Variants in HS3ST3A1 observed in about 807,000 individuals in gnomAD.
The protein encoded by HS3ST3A1 is heparan sulfate glucosamine 3-O-sulfotransferase 3A1.
A neutral mutation model predicts 25.7 loss-of-function variants in HS3ST3A1; 19 were observed. The ratio of observed to expected loss-of-function variants is 0.74; its 90% CI spans 0.52 to 1.08. The LOEUF is 1.08. HS3ST3A1 is among the 50% of genes least tolerant of loss of function. HS3ST3A1 has a pLI of 0.00. For synonymous variants in HS3ST3A1, 226 were observed against 278.6 expected, an observed-to-expected ratio of 0.81 and a Z score of 1.88; for missense variants, 459 against 594.3, an observed-to-expected ratio of 0.77 and a Z score of 2.37.
chr17:13,556,258 A>G (rs1907369260), intron 1 of HS3ST3A1, among the ~76,000 whole-genome samples: 1 of 152,198 alleles, frequency 6.6e-6, no homozygotes, highest in African/African-American at 2.4e-5. Flanking sequence ...CTGTAATCCC[A>G]GCACTTTGGG....
intron 1 of HS3ST3A1, among the ~76,000 whole-genome samples, chr17:13,517,507 C>T (rs1211140622): frequency 6.6e-6 from 1 of 152,066 alleles, no homozygotes; most frequent in Non-Finnish European, 1.5e-5. Context: ...TACAGAAGTG[C>T]TTGAGTGAAG....
intron 1 of HS3ST3A1, among the ~76,000 whole-genome samples, chr17:13,517,504 G>A (rs1241339325): frequency 6.6e-6 from 1 of 152,146 alleles, no homozygotes; most frequent in Non-Finnish European, 1.5e-5. Context: ...AAATACAGAA[G>A]TGCTTGAGTG....
intron 1 of HS3ST3A1, among the ~76,000 whole-genome samples, chr17:13,572,378 G>A (rs969882031): frequency 6.6e-6 from 1 of 152,144 alleles, no homozygotes; most frequent in South Asian, 2.1e-4. Flanking sequence ...ATCCTAGGGG[G>A]TGACCGCTCG....
rs760240531 is a variant in HS3ST3A1, at chr17:13,600,772, G to A, written c.358C>T (p.Leu120=). 5 of 1,488,508 alleles carry A rather than the reference G, an allele frequency of 3.4e-6. No individual in the cohort carries two copies. The South Asian group carries it at 3.9e-5, about 11-fold the overall frequency. The allele number at this position is 1,488,508 out of a possible 1,614,324, so 92.2% of individuals were successfully genotyped here. Residue 120 remains leucine (L), a synonymous_variant, in exon 1 of 2, where the codon CTG becomes TTG. Transcript: ENST00000284110. ...EAAWEEESPG[L]SGGPGGSGAG... The stretch of plus-strand genomic sequence containing the variant: ...CCGGAGCCGCCCGGACCCCCTGACA[G>A]GCCAGGGGACTCTTCTTCCCAGGCC...
intron 1 of HS3ST3A1, among the ~76,000 whole-genome samples, chr17:13,585,716 G>A (rs1198753148): frequency 6.6e-6 from 1 of 151,872 alleles, no homozygotes; most frequent in Non-Finnish European, 1.5e-5. Flanking sequence ...CACAACCGTA[G>A]TGATCATGGC....
intron 1 of HS3ST3A1, among the ~76,000 whole-genome samples, chr17:13,592,437 T>G (rs1908452445): frequency 6.6e-6 from 1 of 152,028 alleles, no homozygotes; most frequent in African/African-American, 2.4e-5. Flanking sequence ...TACCGCGGGG[T>G]CCAATTATTT....
At chr17:13,544,685 A>T (rs950559643) in intron 1 of HS3ST3A1, among the ~76,000 whole-genome samples, 3 of 152,046 alleles carry the variant, frequency 2.0e-5, no homozygotes, top group African/African-American at 7.3e-5. Context: ...TGCTCCTTGG[A>T]ACAAGAGTAA....
intron 1 of HS3ST3A1, among the ~76,000 whole-genome samples, chr17:13,502,934 A>G (rs1296500689): frequency 6.6e-6 from 1 of 151,746 alleles, no homozygotes; most frequent in East Asian, 1.9e-4. Flanking sequence ...TAATCCCAGC[A>G]CTTTGGGAGG....
intron 1 of HS3ST3A1, among the ~76,000 whole-genome samples, chr17:13,549,824 C>T (rs955898754): frequency 4.6e-5 from 7 of 152,090 alleles, no homozygotes; most frequent in Admixed American, 2.0e-4. Context: ...TATTTTAGTT[C>T]GCCATAAAGA....
intron 1 of HS3ST3A1, among the ~76,000 whole-genome samples, chr17:13,556,541 A>AATAAAATAAAATAAAATAAAATAAG (rs10525412): frequency 6.8e-6 from 1 of 147,884 alleles, no homozygotes; most frequent in African/African-American, 2.5e-5. Context: ...AATAAAATAA[A>AATAAAATAAAATAAAATAAAATAAG]TAGATAAAAA....
At chr17:13,518,093 T>C (rs1488054018) in intron 1 of HS3ST3A1, among the ~76,000 whole-genome samples, 1 of 152,218 alleles carries the variant, frequency 6.6e-6, no homozygotes, top group Non-Finnish European at 1.5e-5. Flanking sequence ...TATAAGTGGC[T>C]CAGTCTTACT....
chr17:13,587,655 G>A (rs1051410352), intron 1 of HS3ST3A1, among the ~76,000 whole-genome samples: 2 of 152,042 alleles, frequency 1.3e-5, no homozygotes, highest in Non-Finnish European at 2.9e-5. Context: ...AGGAAAAAGA[G>A]AGAGCAGGGG....
chr17:13,506,230 G>A (rs955392144), intron 1 of HS3ST3A1, among the ~76,000 whole-genome samples: 1 of 152,078 alleles, frequency 6.6e-6, no homozygotes, highest in African/African-American at 2.4e-5. Context: ...AGCAGGAATA[G>A]GAATAAGGAT....
intron 1 of HS3ST3A1, among the ~76,000 whole-genome samples, chr17:13,525,803 G>A (rs1906396154): frequency 6.6e-6 from 1 of 151,980 alleles, no homozygotes; most frequent in Non-Finnish European, 1.5e-5. Flanking sequence ...AACAGCTTCT[G>A]TTTTTCTGAG....
intron 1 of HS3ST3A1, among the ~76,000 whole-genome samples, chr17:13,554,802 A>G (rs1189922657): frequency 6.6e-6 from 1 of 152,046 alleles, no homozygotes; most frequent in Non-Finnish European, 1.5e-5. Context: ...AACAGATACC[A>G]CCTTCCTCCA....
intron 1 of HS3ST3A1, among the ~76,000 whole-genome samples, chr17:13,571,870 C>T (rs1314376528): frequency 1.3e-5 from 2 of 152,176 alleles, no homozygotes; most frequent in Admixed American, 1.3e-4. Context: ...AGCGTTTCTC[C>T]TGCCTCAGCC....
At chr17:13,562,284 G>A (rs1283042013) in intron 1 of HS3ST3A1, among the ~76,000 whole-genome samples, 1 of 152,088 alleles carries the variant, frequency 6.6e-6, no homozygotes, top group Admixed American at 6.5e-5. Context: ...GTCATGGTCT[G>A]GAGGAGTCCA....
At chr17:13,507,271 T>G (rs1351776212) in intron 1 of HS3ST3A1, among the ~76,000 whole-genome samples, 1 of 152,164 alleles carries the variant, frequency 6.6e-6, no homozygotes, top group Non-Finnish European at 1.5e-5. Flanking sequence ...TATTATTTCT[T>G]GAGTCTCACA....
intron 1 of HS3ST3A1, among the ~76,000 whole-genome samples, chr17:13,576,351 G>A (rs750790167): frequency 3.9e-5 from 6 of 152,198 alleles, no homozygotes; most frequent in Non-Finnish European, 7.3e-5. Context: ...GCTCACTCAC[G>A]TGGCTGTTGG....
Sources: allele counts gnomAD v4.1 joint callset (sites outside exome capture counted in the v4.1 genomes callset), GRCh38; gene constraint gnomAD v4.1.1; transcripts MANE v1.5; gene names NCBI Gene and HGNC (gene_info 2026-07-23, HGNC 2026-07-21).